Variants in ZNF304 observed in about 807,000 individuals in gnomAD.
The protein encoded by ZNF304 is zinc finger protein 304.
Under a neutral mutation model 7.8 loss-of-function variants are expected in ZNF304, and 7 were observed. The ratio of observed to expected loss-of-function variants is 0.90; its 90% CI spans 0.51 to 1.69. ZNF304 has a LOEUF of 1.69. Among genes scored for constraint, ZNF304 ranks in the 40% most tolerant of loss-of-function variants. The probability of loss-of-function intolerance (pLI) is 0.00; values close to 1 mark genes in which losing one functional copy is unlikely to be tolerated. For synonymous variants in ZNF304, 280 were observed against 272.4 expected (o/e 1.03, Z -0.27); for missense variants, 669 against 804.8 (o/e 0.83, Z 2.04).
chr19:57,353,775 G>A lies in ZNF304; in HGVS notation c.84G>A (p.Trp28Ter), dbSNP rs1326175999. The change falls in exon 2 of 3, where the codon TGG (tryptophan) becomes TGA (stop). Residue 28 changes from tryptophan (W) to a stop codon, truncating the protein, a stop_gained. Transcript: ENST00000282286. LOFTEE classifies it high-confidence loss of function. ...DVFVYFSREE[W>*]ELLEEAQRFL... Reference sequence around the variant, plus strand: ...TCGTGTACTTCTCTCGGGAGGAGTGGGAACTCCTTGAGGAGGCACAGAGAT... The same window carrying A: ...TCGTGTACTTCTCTCGGGAGGAGTGAGAACTCCTTGAGGAGGCACAGAGAT... 1.2e-6 allele frequency: 2 copies of A among 1,613,618 alleles called. No individual in the cohort carries two copies. The highest frequency in any genetic ancestry group is 1.3e-5 in the African/African-American group (1 of 75,004).
At chr19:57,354,420 T>A (rs917158677) in intron 2 of ZNF304, among the ~76,000 whole-genome samples, 4 of 152,366 alleles carry the variant, frequency 2.6e-5, no homozygotes, top group Admixed American at 2.6e-4. Context: ...CTCACATTGC[T>A]TTTTGCAAGA....
At position 57,357,302 on chromosome 19, in the gene ZNF304, G is replaced by T; in HGVS notation, c.1433G>T (p.Ser478Ile). ...IHTGARPYEC[S>I]ECGKAFSRKD... The stretch of plus-strand genomic sequence containing the variant: ...ACTGGAGCAAGGCCTTATGAGTGCA[G>T]TGAATGTGGGAAGGCCTTCAGCCGT... The change falls in exon 3 of 3, where the codon AGT becomes ATT. Residue 478 changes from serine (S) to isoleucine (I), a missense_variant. Ser to Ile is a moderately radical substitution (Grantham distance 142). Transcript: ENST00000282286. The T allele has an allele frequency of 6.2e-7, 1 of 1,613,934 alleles. No homozygotes were observed. Among genetic ancestry groups the T allele is most frequent in the African/African-American group, 1.3e-5 (1 of 74,958 alleles).
chr19:57,357,899 T>A lies in ZNF304; in HGVS notation c.*50T>A. 1 of 1,539,566 alleles carries A rather than the reference T, an allele frequency of 6.5e-7. No individual in the cohort carries two copies. Among genetic ancestry groups the A allele is most frequent in the Non-Finnish European group, 8.7e-7 (1 of 1,148,034 alleles). On this transcript the variant is annotated 3_prime_UTR_variant, in exon 3 of 3. Coordinates refer to ENST00000282286, the MANE Select transcript of ZNF304 (RefSeq NM_020657.4). ...AGGCCTTATGAATGCAGAAAATATG[T>A]CATCTTGTTCATCCTCATAGGACTC...
chr19:57,359,892 G>T lies in ZNF304; in HGVS notation c.*2043G>T, dbSNP rs1203818250. 1 of 152,140 alleles carries T rather than the reference G, an allele frequency of 6.6e-6. No individual in the cohort carries two copies. Among genetic ancestry groups the T allele is most frequent in the Non-Finnish European group, 1.5e-5 (1 of 68,030 alleles). The allele number at this position is 152,140 out of a possible 1,614,324, so 9.4% of individuals were successfully genotyped here. A position where few individuals can be genotyped will look rare whatever the true frequency, so the allele number is the denominator to read the frequency against. ...TACAAATAAACCTCTGAAGATTTGTGTGCAAATTATGGCTGAATGATATTC... is the reference window on the plus strand; with the variant it reads ...TACAAATAAACCTCTGAAGATTTGTTTGCAAATTATGGCTGAATGATATTC... On this transcript the variant is annotated 3_prime_UTR_variant, in exon 3 of 3. Coordinates refer to ENST00000282286, the MANE Select transcript of ZNF304 (RefSeq NM_020657.4).
chr19:57,355,940 C>G (rs150788879), intron 2 of ZNF304, 90 bp from the exon 3 acceptor site: 124 of 1,409,668 alleles, frequency 8.8e-5, no homozygotes, highest in Non-Finnish European at 1.1e-4. Context: ...AGCCAGTGGA[C>G]TCGCACTGGT....
Position 57,356,571 on chromosome 19 carries a change from C to T in ZNF304, c.702C>T (p.Asp234=), listed in dbSNP as rs1236244509. 5.6e-6 allele frequency: 9 copies of T among 1,614,062 alleles called. No homozygotes were observed. The highest frequency in any genetic ancestry group is 2.7e-5 in the African/African-American group (2 of 74,904). The part of the protein sequence containing the change: ...SCGDEGKAFL[D]TFTLLDSQMT... ...GTGATGAAGGGAAAGCCTTCCTGGACACCTTTACTCTTCTTGACAGCCAGA... is the reference window on the plus strand; with the variant it reads ...GTGATGAAGGGAAAGCCTTCCTGGATACCTTTACTCTTCTTGACAGCCAGA... Residue 234 remains aspartate, a synonymous_variant, in exon 3 of 3, where the codon GAC becomes GAT. Coordinates refer to ENST00000282286, the MANE Select transcript of ZNF304 (RefSeq NM_020657.4).
rs776270583 is a variant in ZNF304, at chr19:57,356,193, G to A, written c.324G>A (p.Gln108=). 2.5e-6 allele frequency: 4 copies of A among 1,614,112 alleles called. No individual in the cohort carries two copies. The African/African-American group carries it at 4.0e-5, about 16-fold the overall frequency. Residue 108 remains glutamine, a synonymous_variant, in exon 3 of 3, where the codon CAG becomes CAA. Transcript: ENST00000282286. ...LKDILHLAEH[Q]GSHLTQKLCT... is the part of the protein sequence containing the mutation. The stretch of plus-strand genomic sequence containing the variant: ...ACATTTTGCACCTGGCTGAACACCA[G>A]GGATCACACCTTACACAGAAACTGT...
At chr19:57,353,701 A>G (rs373446122) in intron 1 of ZNF304, 24 bp from the exon 2 acceptor site, 92 of 1,582,112 alleles carry the variant, frequency 5.8e-5, no homozygotes, top group Non-Finnish European at 5.9e-5. Flanking sequence ...CTGACTGTGG[A>G]CTCAGCTGTA....
chr19:57,355,271 C>G, intron 2 of ZNF304: 1 of 765,232 alleles, frequency 1.3e-6, no homozygotes, highest in Non-Finnish European at 2.4e-6. Flanking sequence ...TGCGTTACAG[C>G]TTTCATTTTC....
In ZNF304 at chr19:57,359,471, A is replaced by G. The variant is rs2088394268; in HGVS notation, c.*1622A>G. The G allele has an allele frequency of 6.6e-6, 1 of 152,250 alleles. No homozygotes were observed. The highest frequency in any genetic ancestry group is 2.4e-5 in the African/African-American group (1 of 41,472). 9.4% of individuals were successfully genotyped at this position (152,250 alleles called of 1,614,324 possible). On this transcript the variant is annotated 3_prime_UTR_variant, in exon 3 of 3. Coordinates refer to ENST00000282286, the MANE Select transcript of ZNF304 (RefSeq NM_020657.4). ...TATGGAGGTATGATTAACATGCAAT[A>G]AACTGCAAATATGTAAAGTGTAAAA...
rs2088381709 is a variant in ZNF304 at position 57,358,584 on chromosome 19, C to T, written c.*735C>T. 6.6e-6 allele frequency: 1 copy of T among 152,216 alleles called. No individual in the cohort carries two copies. The highest frequency in any genetic ancestry group is 1.5e-5 in the Non-Finnish European group (1 of 68,084). The allele number at this position is 152,216 out of a possible 1,614,324, so 9.4% of individuals were successfully genotyped here. ...GGGTTCTGTCATGAAGGGAGTAGCACCTTTTGTGGGCACCACCTTTATGTG... is the reference window on the plus strand; with the variant it reads ...GGGTTCTGTCATGAAGGGAGTAGCATCTTTTGTGGGCACCACCTTTATGTG... On this transcript the variant is annotated 3_prime_UTR_variant, in exon 3 of 3. Coordinates refer to ENST00000282286, the MANE Select transcript of ZNF304 (RefSeq NM_020657.4).
In ZNF304 at chr19:57,351,648, C is replaced by G. The variant is rs1226968807; in HGVS notation, c.-17C>G. 1 of 1,613,520 alleles carries G rather than the reference C, an allele frequency of 6.2e-7. No individual in the cohort carries two copies. Among genetic ancestry groups the G allele is most frequent in the Non-Finnish European group, 8.5e-7 (1 of 1,179,920 alleles). ...TTCGGCTGAGCCCACAGGGCACAGA[C>G]TGTTCATCCGCTTCTCATGGCAGCG... On this transcript the variant is annotated 5_prime_UTR_variant, in exon 1 of 3. Transcript: ENST00000282286. This position sits in a 1 kb window ranked among gnomAD's most constrained non-coding sequence, Gnocchi z 4.1.
At chr19:57,354,852 C>T (rs1040477649) in intron 2 of ZNF304, among the ~76,000 whole-genome samples, 1 of 152,180 alleles carries the variant, frequency 6.6e-6, no homozygotes, top group East Asian at 1.9e-4. Flanking sequence ...TGACTCTTCT[C>T]CTTCCCTTCT....
In ZNF304 at chr19:57,359,010, A is replaced by G. The variant is rs891790154; in HGVS notation, c.*1161A>G. ...GGAGTGGGGATGACTGTGGCAAACA[A>G]AAGGAGATTCGAACATTCTAGAGGG... On this transcript the variant is annotated 3_prime_UTR_variant, in exon 3 of 3. Coordinates refer to ENST00000282286, the MANE Select transcript of ZNF304 (RefSeq NM_020657.4). 11 of 152,190 alleles carry G rather than the reference A, an allele frequency of 7.2e-5. No homozygotes were observed. Among genetic ancestry groups the G allele is most frequent in the Admixed American group, 2.6e-4 (4 of 15,276 alleles). 9.4% of individuals were successfully genotyped at this position (152,190 alleles called of 1,614,324 possible).
In ZNF304 at chr19:57,351,725, C is replaced by A. The variant is rs1235137492; in HGVS notation, c.33+28C>A. ...GAGTGGGGGCATCCCTCAAGCGCAC[C>A]CCGGCCTGGTTGGTGTGTCCTGGGA... On this transcript the variant is annotated intron_variant, in intron 1 of 2. Coordinates refer to ENST00000282286, the MANE Select transcript of ZNF304 (RefSeq NM_020657.4). This position sits in a 1 kb window ranked among gnomAD's most constrained non-coding sequence, Gnocchi z 4.1. The A allele has an allele frequency of 6.2e-7, 1 of 1,604,530 alleles. No homozygotes were observed. Among genetic ancestry groups the A allele is most frequent in the Non-Finnish European group, 8.5e-7 (1 of 1,174,972 alleles).
rs1326292351 is a variant in ZNF304, at chr19:57,356,329, T to C, written c.460T>C (p.Phe154Leu). ...CFRGDDGGAS[F>L]VKSCTVHMLG... ...CAGAGGGGATGATGGAGGGGCCTCA[T>C]TTGTGAAGAGCTGTACAGTCCACAT... The change falls in exon 3 of 3, where the codon TTT becomes CTT. Residue 154 changes from phenylalanine (F) to leucine (L), a missense_variant. By Grantham distance (22) the Phe-to-Leu change is conservative. Coordinates refer to ENST00000282286, the MANE Select transcript of ZNF304 (RefSeq NM_020657.4). The C allele has an allele frequency of 3.1e-6, 5 of 1,614,174 alleles. 1 individual carries two copies. In the South Asian group the frequency reaches 4.4e-5, roughly 14 times the overall value.
intron 2 of ZNF304, 118 bp downstream of exon 2, chr19:57,353,969 G>T: frequency 2.4e-6 from 2 of 838,388 alleles, no homozygotes; most frequent in East Asian, 2.9e-5. Flanking sequence ...TCTGGTTAGA[G>T]CATTTTTTGT....
intron 2 of ZNF304, 55 bp downstream of exon 2, chr19:57,353,906 G>T: frequency 1.4e-5 from 19 of 1,346,826 alleles, no homozygotes; most frequent in Non-Finnish European, 1.9e-5. Flanking sequence ...CCAAAGCTTA[G>T]TAACTGCAAA....
At position 57,351,377 on chromosome 19, in the gene ZNF304, T is replaced by A; in HGVS notation, c.-288T>A. On this transcript the variant is annotated 5_prime_UTR_variant, in exon 1 of 3. Coordinates refer to ENST00000282286, the MANE Select transcript of ZNF304 (RefSeq NM_020657.4). The surrounding 1 kb of genome is among the most constrained non-coding windows in gnomAD (Gnocchi z 4.1). ...CGTGGAACCTAGCAAAGAAAGACAGTGAAGACTGCAGGACCTTCCTTCGCG... is the reference window on the plus strand; with the variant it reads ...CGTGGAACCTAGCAAAGAAAGACAGAGAAGACTGCAGGACCTTCCTTCGCG... 1 of 483,874 alleles carries A rather than the reference T, an allele frequency of 2.1e-6. No homozygotes were observed. 30.0% of individuals were successfully genotyped at this position (483,874 alleles called of 1,614,324 possible).
Sources: allele counts gnomAD v4.1 joint callset (sites outside exome capture counted in the v4.1 genomes callset), GRCh38; gene constraint gnomAD v4.1.1; non-coding constraint Gnocchi (gnomAD v3.1); transcripts MANE v1.5; gene names NCBI Gene and HGNC (gene_info 2026-07-23, HGNC 2026-07-21).